The following DPF3 variants were observed in gnomAD, a reference collection of about 807,000 sequenced individuals.
DPF3 encodes zinc finger protein DPF3.
In DPF3, 18 loss-of-function variants were observed where a neutral mutation model predicts 56.8. The ratio of observed to expected loss-of-function variants is 0.32; its 90% CI spans 0.22 to 0.47. DPF3 has a LOEUF of 0.47. Ranked by LOEUF, DPF3 falls within the 20% of genes least tolerant of loss-of-function variation. DPF3 has a pLI of 1.00. For missense variants in DPF3, 403 were observed against 488.8 expected (o/e 0.82, Z 1.65); for synonymous variants, 188 against 180.2 (o/e 1.04, Z -0.35).
chr14:72,681,241 C>T (rs537632086), intron 7 of DPF3, among the ~76,000 whole-genome samples: 3 of 152,280 alleles, frequency 2.0e-5, no homozygotes, highest in Admixed American at 6.5e-5. Context: ...GAGAGTCCCC[C>T]GAGCACAGGG....
intron 3 of DPF3, among the ~76,000 whole-genome samples, chr14:72,747,270 C>G (rs1035595552): frequency 2.0e-5 from 3 of 152,220 alleles, no homozygotes; most frequent in African/African-American, 7.2e-5. Flanking sequence ...GCTCTTCGGA[C>G]TCTGGTTATG....
At chr14:72,872,374 G>A (rs1885935549) in intron 1 of DPF3, among the ~76,000 whole-genome samples, 1 of 152,216 alleles carries the variant, frequency 6.6e-6, no homozygotes, top group Non-Finnish European at 1.5e-5. Flanking sequence ...CAGCCGACTT[G>A]AATTTCTCCC....
intron 6 of DPF3, among the ~76,000 whole-genome samples, chr14:72,706,297 C>T (rs780165641): frequency 6.6e-6 from 1 of 152,230 alleles, no homozygotes; most frequent in Non-Finnish European, 1.5e-5. Flanking sequence ...CTCTCTGACA[C>T]AGCAGCCCCT....
At chr14:72,747,566 T>C (rs1890374204) in intron 3 of DPF3, among the ~76,000 whole-genome samples, 1 of 151,330 alleles carries the variant, frequency 6.6e-6, no homozygotes, top group Admixed American at 6.6e-5. Flanking sequence ...GGCAGGAGGA[T>C]TGCTTGAGGC....
intron 8 of DPF3, among the ~76,000 whole-genome samples, chr14:72,669,591 A>G (rs1427708872): frequency 6.6e-6 from 1 of 152,136 alleles, no homozygotes; most frequent in Non-Finnish European, 1.5e-5. Context: ...CTCCAACTTC[A>G]GTTCCCTGGA....
chr14:72,760,440 C>A (rs955969151), intron 2 of DPF3, among the ~76,000 whole-genome samples: 2 of 152,188 alleles, frequency 1.3e-5, no homozygotes, highest in African/African-American at 4.8e-5. Context: ...CCTGGATAAT[C>A]CAAGATTATC....
intron 3 of DPF3, among the ~76,000 whole-genome samples, chr14:72,749,034 C>A (rs1394532849): frequency 6.6e-6 from 1 of 152,222 alleles, no homozygotes; most frequent in African/African-American, 2.4e-5. Flanking sequence ...GAGAAGAGGG[C>A]CACCATCTTC....
chr14:72,614,466 C>A lies in DPF3; in HGVS notation c.*4831G>T, dbSNP rs1221914775. On this transcript the variant is annotated 3_prime_UTR_variant, in exon 11 of 11. Transcript: ENST00000556509. ...GAGGAGCAGGATGGCCAGTCCCCCT[C>A]TTCCCTTCCCAGCTACTGGTGTCCT... 6.6e-6 allele frequency among the ~76,000 whole-genome samples: 1 copy of A among 152,164 alleles called. No individual in the cohort carries two copies. Among genetic ancestry groups the A allele is most frequent in the Non-Finnish European group, 1.5e-5 (1 of 68,030 alleles).
chr14:72,655,294 A>T (rs371583589), intron 8 of DPF3, among the ~76,000 whole-genome samples: 7 of 152,258 alleles, frequency 4.6e-5, no homozygotes, highest in East Asian at 3.9e-4. Context: ...AACATATATA[A>T]ATATAATTGT....
intron 1 of DPF3, chr14:72,806,199 G>C (rs1056233029): frequency 1.3e-5 from 2 of 152,142 alleles, no homozygotes; most frequent in African/African-American, 4.8e-5. Flanking sequence ...GTTCCCCTCA[G>C]CTCTTAGCCA....
chr14:72,786,655 C>T (rs1296051976), intron 1 of DPF3, among the ~76,000 whole-genome samples: 3 of 152,170 alleles, frequency 2.0e-5, no homozygotes, highest in Non-Finnish European at 4.4e-5. Flanking sequence ...AGCCTCCACC[C>T]TCAGAATACA....
intron 1 of DPF3, among the ~76,000 whole-genome samples, chr14:72,773,641 T>C (rs1222794754): frequency 6.6e-6 from 1 of 152,166 alleles, no homozygotes; most frequent in Non-Finnish European, 1.5e-5. Flanking sequence ...TGCCCCCATC[T>C]CCAGCAACTA....
chr14:72,771,488 C>A (rs1252654217), intron 2 of DPF3, among the ~76,000 whole-genome samples: 63 of 151,480 alleles, frequency 4.2e-4, no homozygotes, highest in Admixed American at 4.1e-3. Flanking sequence ...CTCTTTCACT[C>A]CCCACCCCAC....
intron 3 of DPF3, among the ~76,000 whole-genome samples, chr14:72,739,634 G>A (rs1447330338): frequency 6.6e-6 from 1 of 152,170 alleles, no homozygotes; most frequent in Non-Finnish European, 1.5e-5. Flanking sequence ...ATCTGAGGCA[G>A]GTAACAGGAT....
At chr14:72,626,277 C>A (rs1884823419) in intron 9 of DPF3, among the ~76,000 whole-genome samples, 1 of 152,112 alleles carries the variant, frequency 6.6e-6, no homozygotes, top group Non-Finnish European at 1.5e-5. Flanking sequence ...ATCCCATTTT[C>A]ATTTTCCCAT....
At position 72,613,278 on chromosome 14, in the gene DPF3, T is replaced by C. The variant is rs373197394; in HGVS notation, c.*6019A>G. Among the ~76,000 whole-genome samples, 3 of 152,238 alleles carry C rather than the reference T, an allele frequency of 2.0e-5. No homozygotes were observed. The South Asian group carries it at 6.2e-4, about 32-fold the overall frequency. Reference sequence around the variant, plus strand: ...CTTACCTGCCCTCCCGTCCCCACCATGGCCGCGTTTATTTGCTAGACAGGG... The same window carrying C: ...CTTACCTGCCCTCCCGTCCCCACCACGGCCGCGTTTATTTGCTAGACAGGG... On this transcript the variant is annotated 3_prime_UTR_variant, in exon 11 of 11. Coordinates refer to ENST00000556509, the MANE Select transcript of DPF3 (RefSeq NM_001280542.3).
In DPF3 at chr14:72,795,296, ATAT is replaced by A. The variant is rs1428429082; in HGVS notation, c.33-23406_33-23404del. On this transcript the variant is annotated intron_variant, in intron 1 of 10. Transcript: ENST00000556509. ...TTTTGACAAAAAAAAAAAAAAAAAA[ATAT>A]ATATATATATATATATATAAGGCAG... Among the ~76,000 whole-genome samples the A allele has an allele frequency of 8.7e-3, 842 of 96,274 alleles. 9 individuals carry two copies. Among genetic ancestry groups the A allele is most frequent in the African/African-American group, 0.026 (780 of 29,756 alleles). The allele number at this position is 96,274 out of a possible 152,430, so 63.2% of individuals were successfully genotyped here.
At chr14:72,746,583 G>A (rs574903053) in intron 3 of DPF3, among the ~76,000 whole-genome samples, 5 of 152,346 alleles carry the variant, frequency 3.3e-5, no homozygotes, top group South Asian at 2.1e-4. Flanking sequence ...TTCCAGCCCC[G>A]GCTGTTCATT....
At chr14:72,851,159 G>A (rs981967054) in intron 1 of DPF3, among the ~76,000 whole-genome samples, 12 of 152,144 alleles carry the variant, frequency 7.9e-5, no homozygotes, top group Non-Finnish European at 1.2e-4. Flanking sequence ...AGAGAATGCC[G>A]GGAAATGAAC....
Sources: gnomAD v4.1 joint callset for allele counts (sites outside exome capture counted in the v4.1 genomes callset) on GRCh38, gnomAD v4.1.1 for gene constraint, MANE v1.5 for transcripts, NCBI Gene and HGNC (gene_info 2026-07-23, HGNC 2026-07-21) for gene names.